The following USP43 variants were observed in gnomAD, a reference collection of about 807,000 sequenced individuals.
USP43 encodes the protein ubiquitin carboxyl-terminal hydrolase 43.
USP43 carries 33 observed loss-of-function variants against 90.7 expected under a neutral mutation model. That is an observed-to-expected ratio of 0.36 (90% CI 0.28 to 0.49). The LOEUF is 0.49. Ranked by LOEUF, USP43 falls within the 20% of genes least tolerant of loss-of-function variation. The pLI is 0.98. For synonymous variants in USP43, 598 were observed against 615.8 expected, an observed-to-expected ratio of 0.97 and a Z score of 0.43; for missense variants, 1,274 against 1,476.4, an observed-to-expected ratio of 0.86 and a Z score of 2.25.
At chr17:9,684,801 A>G (rs1914507558) in intron 7 of USP43, among the ~76,000 whole-genome samples, 1 of 149,856 alleles carries the variant, frequency 6.7e-6, no homozygotes. Context: ...CATCATTTGT[A>G]GTGGGAGAAA....
intron 14 of USP43, among the ~76,000 whole-genome samples, chr17:9,721,393 C>T (rs1916946988): frequency 6.6e-6 from 1 of 152,136 alleles, no homozygotes. Flanking sequence ...TTATTTTGGT[C>T]AACTTTCTTC....
chr17:9,676,419 G>C (rs913726073), intron 4 of USP43, among the ~76,000 whole-genome samples: 2 of 152,072 alleles, frequency 1.3e-5, no homozygotes, highest in African/African-American at 2.4e-5. Context: ...ACCCAGGCTG[G>C]AGTGCAGTGG....
intron 9 of USP43, among the ~76,000 whole-genome samples, chr17:9,699,580 C>T (rs139269658): frequency 2.4e-4 from 36 of 152,300 alleles, no homozygotes; most frequent in African/African-American, 7.5e-4. Context: ...CAGGATAAAA[C>T]CTCATGTGCT....
intron 8 of USP43, among the ~76,000 whole-genome samples, chr17:9,687,665 T>C (rs1914672318): frequency 6.6e-6 from 1 of 152,232 alleles, no homozygotes; most frequent in South Asian, 2.1e-4. Context: ...ACTATTCCCA[T>C]AGTAAAAGCT....
chr17:9,680,955 T>G (rs1452734346), intron 6 of USP43, among the ~76,000 whole-genome samples: 2 of 146,914 alleles, frequency 1.4e-5, no homozygotes. Context: ...TAGATCAGGA[T>G]ACATTTTGGC....
At chr17:9,666,603 T>C (rs377036081) in intron 2 of USP43, 45 bp from the exon 3 acceptor site, 8 of 1,491,466 alleles carry the variant, frequency 5.4e-6, no homozygotes, top group African/African-American at 4.1e-5. Flanking sequence ...AGTTGAGTGA[T>C]GAGAGGTGTA....
intron 7 of USP43, among the ~76,000 whole-genome samples, chr17:9,684,418 GA>G (rs1261011406): frequency 1.3e-5 from 2 of 152,090 alleles, no homozygotes; most frequent in Non-Finnish European, 2.9e-5. Context: ...TTGGTGAAAT[GA>G]ACCACAGAGA....
chr17:9,697,930 G>A (rs556732429), intron 9 of USP43, among the ~76,000 whole-genome samples: 2 of 152,226 alleles, frequency 1.3e-5, no homozygotes, highest in South Asian at 4.1e-4. Flanking sequence ...TTCCATAGGA[G>A]TTGAACTAAT....
rs1317656304 is a variant in USP43 at position 9,713,897 on chromosome 17, A to G, written c.2335+1765A>G. Among the ~76,000 whole-genome samples the G allele has an allele frequency of 3.3e-5, 5 of 152,208 alleles. No individual in the cohort carries two copies. In the East Asian group the frequency reaches 9.6e-4, roughly 29 times the overall value. On this transcript the variant is annotated intron_variant, in intron 14 of 14. Transcript: ENST00000285199. ...GACACAGTAATTTTGAAAATCCTGTAAGACACCATTCCCCAGGCTTTTTGG... is the reference window on the plus strand; with the variant it reads ...GACACAGTAATTTTGAAAATCCTGTGAGACACCATTCCCCAGGCTTTTTGG...
chr17:9,658,247 A>G (rs1032576998), intron 2 of USP43, among the ~76,000 whole-genome samples: 1 of 152,214 alleles, frequency 6.6e-6, no homozygotes, highest in African/African-American at 2.4e-5. Context: ...TTCTAGCGTA[A>G]TAAAGAATGA....
Position 9,693,253 on chromosome 17 carries a change from A to T in USP43, c.1457+23A>T, listed in dbSNP as rs374849890. 19 of 1,584,986 alleles carry T rather than the reference A, an allele frequency of 1.2e-5. No homozygotes were observed. The Middle Eastern group carries it at 1.0e-3, about 83-fold the overall frequency. On this transcript the variant is annotated intron_variant, in intron 9 of 14. Transcript: ENST00000285199. Reference sequence around the variant, plus strand: ...CAGGTAAGGGGGAAGGTCCAGGTTCAGTCAGCTAATGAACCCTTTCTTATT... The same window carrying T: ...CAGGTAAGGGGGAAGGTCCAGGTTCTGTCAGCTAATGAACCCTTTCTTATT...
At position 9,728,213 on chromosome 17, in the gene USP43, G is replaced by A. The variant is rs763107743; in HGVS notation, c.2595G>A (p.Ser865=). Reference sequence around the variant, plus strand: ...CGGGTGAGGATGAGAAGTCAGCATCGCCGAGGTCCAACGTCGCCCTTCCTG... The same window carrying A: ...CGGGTGAGGATGAGAAGTCAGCATCACCGAGGTCCAACGTCGCCCTTCCTG... ...GTAGEDEKSA[S]PRSNVALPAN... The change falls in exon 15 of 15, where the codon TCG becomes TCA. Residue 865 remains serine (S), a synonymous_variant. Coordinates refer to ENST00000285199, the MANE Select transcript of USP43 (RefSeq NM_153210.5). The surrounding 1 kb of genome is among the most constrained non-coding windows in gnomAD (Gnocchi z 6.2). 4.3e-5 allele frequency: 69 copies of A among 1,613,882 alleles called. No individual in the cohort carries two copies. The East Asian group carries it at 1.3e-3, about 30-fold the overall frequency.
intron 14 of USP43, among the ~76,000 whole-genome samples, chr17:9,719,155 G>T (rs1265986292): frequency 2.6e-5 from 4 of 152,160 alleles, no homozygotes; most frequent in African/African-American, 4.8e-5. Flanking sequence ...CAACAAAAAA[G>T]ATGTTCTTTC....
chr17:9,668,197 T>A (rs1377926350), intron 3 of USP43, among the ~76,000 whole-genome samples: 1 of 152,238 alleles, frequency 6.6e-6, no homozygotes, highest in East Asian at 1.9e-4. Context: ...CTGGATAATA[T>A]TTCCTTTGCA....
At chr17:9,647,060 G>T in intron 1 of USP43, 1 of 41,774 alleles carries the variant, frequency 2.4e-5, no homozygotes, top group East Asian at 3.9e-4. Flanking sequence ...CTTGCTTCCT[G>T]CAAAAAAAAA....
At chr17:9,700,487 C>A (rs745915100) in intron 10 of USP43, among the ~76,000 whole-genome samples, 4 of 152,166 alleles carry the variant, frequency 2.6e-5, no homozygotes, top group Non-Finnish European at 5.9e-5. Context: ...GTAGTAACTG[C>A]AGTCATAGTA....
At chr17:9,664,151 GA>G (rs1388098707) in intron 2 of USP43, among the ~76,000 whole-genome samples, 1 of 152,130 alleles carries the variant, frequency 6.6e-6, no homozygotes, top group Non-Finnish European at 1.5e-5. Flanking sequence ...ATTTTATTAT[GA>G]AAAATTTCAA....
intron 14 of USP43, among the ~76,000 whole-genome samples, chr17:9,716,366 A>G (rs1001852317): frequency 5.9e-5 from 9 of 152,258 alleles, no homozygotes; most frequent in African/African-American, 2.2e-4. Flanking sequence ...ACAGCTGACA[A>G]ATTTTCATAA....
chr17:9,710,605 A>G (rs759705397), intron 13 of USP43, among the ~76,000 whole-genome samples: 11 of 145,600 alleles, frequency 7.6e-5, no homozygotes, highest in Non-Finnish European at 1.6e-4. Context: ...CTTGGGTTCA[A>G]GCGATTCTCC....
Sources: allele counts gnomAD v4.1 joint callset (sites outside exome capture counted in the v4.1 genomes callset), GRCh38; gene constraint gnomAD v4.1.1; non-coding constraint Gnocchi (gnomAD v3.1); transcripts MANE v1.5; gene names NCBI Gene and HGNC (gene_info 2026-07-23, HGNC 2026-07-21).